Variants in JAK2 observed in about 807,000 individuals in gnomAD.
JAK2 encodes tyrosine-protein kinase JAK2.
A neutral mutation model predicts 139.3 loss-of-function variants in JAK2; 86 were observed. The observed-to-expected ratio is 0.62, with a 90% CI of 0.52 to 0.74. The LOEUF is 0.74. Ranked by LOEUF, JAK2 falls within the 30% of genes least tolerant of loss-of-function variation. The probability of loss-of-function intolerance (pLI) is 0.00; values close to 1 mark genes in which losing one functional copy is unlikely to be tolerated. For synonymous variants in JAK2, 490 were observed against 437.7 expected (o/e 1.12, Z -1.49); for missense variants, 1,421 against 1,360.3 (o/e 1.04, Z -0.70).
intron 2 of JAK2, among the ~76,000 whole-genome samples, chr9:5,005,668 T>C (rs1252000162): frequency 6.6e-6 from 1 of 152,240 alleles, no homozygotes; most frequent in Non-Finnish European, 1.5e-5. Flanking sequence ...GTTTATACTC[T>C]CATTTTAAGA....
At chr9:5,016,999 G>T (rs1168799045) in intron 2 of JAK2, among the ~76,000 whole-genome samples, 5 of 152,156 alleles carry the variant, frequency 3.3e-5, no homozygotes, top group African/African-American at 1.2e-4. Context: ...AGATAAAGAA[G>T]AATCTACATC....
intron 2 of JAK2, among the ~76,000 whole-genome samples, chr9:5,003,260 G>A (rs941570964): frequency 1.3e-5 from 2 of 151,902 alleles, no homozygotes; most frequent in African/African-American, 2.4e-5. Context: ...AAAACTGCTA[G>A]GATTTTAATT....
At chr9:5,114,198 C>T (rs1822920598) in intron 22 of JAK2, 2 of 477,902 alleles carry the variant, frequency 4.2e-6, no homozygotes, top group Non-Finnish European at 8.3e-6. Flanking sequence ...GAGCACCTAC[C>T]TGAGCCGGTC....
At chr9:5,097,353 T>C (rs1564001389) in intron 22 of JAK2, 1 of 152,196 alleles carries the variant, frequency 6.6e-6, no homozygotes, top group African/African-American at 2.4e-5. Flanking sequence ...TATATCAACA[T>C]TTATTCTGAT....
At chr9:5,046,039 A>T (rs1305986891) in intron 5 of JAK2, among the ~76,000 whole-genome samples, 1 of 152,112 alleles carries the variant, frequency 6.6e-6, no homozygotes, top group Non-Finnish European at 1.5e-5. Context: ...CAACATCCTC[A>T]ACAATGCTTT....
chr9:5,122,952 A>G (rs575157360), intron 22 of JAK2, 52 bp from the exon 23 acceptor site: 3 of 1,123,438 alleles, frequency 2.7e-6, no homozygotes, highest in Non-Finnish European at 3.9e-6. Flanking sequence ...GGTAAAATCA[A>G]GAGTCCACAT....
At chr9:5,052,417 C>T (rs979908934) in intron 6 of JAK2, among the ~76,000 whole-genome samples, 3 of 151,694 alleles carry the variant, frequency 2.0e-5, no homozygotes, top group African/African-American at 2.4e-5. Context: ...TTTTTTTTTA[C>T]TGCTTTACTT....
chr9:5,111,699 C>T (rs1018998281), intron 22 of JAK2: 7 of 431,280 alleles, frequency 1.6e-5, no homozygotes, highest in African/African-American at 4.1e-5. Flanking sequence ...GGCAGCAGCA[C>T]GTTTGGCGGC....
chr9:4,998,458 T>C (rs973112638), intron 2 of JAK2, among the ~76,000 whole-genome samples: 2 of 152,110 alleles, frequency 1.3e-5, no homozygotes, highest in African/African-American at 4.8e-5. Context: ...GGTTTCACCA[T>C]GTTGGTCAGG....
At chr9:5,029,471 T>C (rs1462575248) in intron 3 of JAK2, among the ~76,000 whole-genome samples, 1 of 152,090 alleles carries the variant, frequency 6.6e-6, no homozygotes, top group Non-Finnish European at 1.5e-5. Flanking sequence ...GCACGTGCTG[T>C]TGGAAAAATG....
intron 19 of JAK2, 142 bp from the exon 20 acceptor site, chr9:5,089,532 C>T (rs1164604863): frequency 1.0e-4 from 33 of 325,406 alleles, no homozygotes; most frequent in African/African-American, 8.9e-4. Flanking sequence ...AGCGAGACTT[C>T]GTCTCAAAAA....
chr9:5,007,132 T>G (rs79166016), intron 2 of JAK2, among the ~76,000 whole-genome samples: 13,475 of 152,118 alleles, frequency 0.089, 1,738 homozygotes, highest in African/African-American at 0.29. Context: ...TTTCTGCTCT[T>G]AAGTACTTTC....
intron 2 of JAK2, among the ~76,000 whole-genome samples, chr9:5,018,691 G>C (rs1021480233): frequency 1.3e-5 from 2 of 152,162 alleles, no homozygotes; most frequent in Non-Finnish European, 2.9e-5. Flanking sequence ...ATTTCTTGTA[G>C]GTCTGGTCTA....
At chr9:5,085,424 C>G in intron 19 of JAK2, 1 of 750,648 alleles carries the variant, frequency 1.3e-6, no homozygotes. Context: ...CAACTGTTGG[C>G]TATCAGGCTC....
chr9:5,042,124 C>CTTTTTTTT (rs71326152), intron 4 of JAK2, among the ~76,000 whole-genome samples: 12 of 107,608 alleles, frequency 1.1e-4, no homozygotes, highest in African/African-American at 3.5e-4. Context: ...GCCAAAATTT[C>CTTTTTTTT]TTTTTTTTTT....
intron 4 of JAK2, among the ~76,000 whole-genome samples, chr9:5,042,237 C>A (rs7468147): frequency 0.36 from 53,596 of 150,644 alleles, 10,504 homozygotes; most frequent in African/African-American, 0.54. Context: ...TCCCGGGTTC[C>A]CGCCATTCTC....
At position 5,034,690 on chromosome 9, in the gene JAK2, C is replaced by T. The variant is rs368733126; in HGVS notation, c.350+4784C>T. ...AAATAAAGATGTTCTTTGAAACCAA[C>T]GAGAACAAAGACACAACATACCAGA... On this transcript the variant is annotated intron_variant, in intron 4 of 24. Coordinates refer to ENST00000381652, the MANE Select transcript of JAK2 (RefSeq NM_004972.4). Among the ~76,000 whole-genome samples, 1,331 of 151,864 alleles carry T rather than the reference C, an allele frequency of 8.8e-3. 13 individuals carry two copies. Among genetic ancestry groups the T allele is most frequent in the Non-Finnish European group, 0.015 (998 of 67,966 alleles).
chr9:5,080,969 CA>C (rs1268880673), intron 18 of JAK2, among the ~76,000 whole-genome samples: 5 of 142,360 alleles, frequency 3.5e-5, no homozygotes, highest in African/African-American at 1.3e-4. Flanking sequence ...GATCTCGGCT[CA>C]CTGCAAGCTC....
At chr9:5,016,685 T>G (rs946383350) in intron 2 of JAK2, among the ~76,000 whole-genome samples, 4 of 152,186 alleles carry the variant, frequency 2.6e-5, no homozygotes, top group Admixed American at 2.0e-4. Flanking sequence ...GAGTATCACC[T>G]GAATTACTGG....
Sources: allele counts gnomAD v4.1 joint callset (sites outside exome capture counted in the v4.1 genomes callset), GRCh38; gene constraint gnomAD v4.1.1; transcripts MANE v1.5; gene names NCBI Gene and HGNC (gene_info 2026-07-23, HGNC 2026-07-21).